MREG: variants seen among roughly 807,000 people sequenced by gnomAD.
The protein encoded by MREG is dilute suppressor protein homolog.
MREG carries 31 observed loss-of-function variants against 28.5 expected under a neutral mutation model. That is an observed-to-expected ratio of 1.09 (90% CI 0.82 to 1.47). The LOEUF is 1.47. MREG is among the 40% of genes most tolerant of loss of function. MREG has a pLI of 0.00. For synonymous variants in MREG, 106 were observed against 95.2 expected (o/e 1.11, Z -0.66); for missense variants, 256 against 257.4 (o/e 0.99, Z 0.04).
At position 215,997,196 on chromosome 2, in the gene MREG, T is replaced by C. The variant is rs186180296; in HGVS notation, c.96-731A>G. Among the ~76,000 whole-genome samples, 11 of 152,324 alleles carry C rather than the reference T, an allele frequency of 7.2e-5. No homozygotes were observed. In the East Asian group the frequency reaches 2.1e-3, roughly 29 times the overall value. ...AAACTTGGAGTACAATGATATATAA[T>C]AGCTATCAAATTCCTTATGCCAGGA... On this transcript the variant is annotated intron_variant, in intron 1 of 4. Coordinates refer to ENST00000263268, the MANE Select transcript of MREG (RefSeq NM_018000.3).
chr2:215,946,184 AAAAGTAT>A (rs747592831), intron 3 of MREG, among the ~76,000 whole-genome samples: 269 of 151,994 alleles, frequency 1.8e-3, no homozygotes, highest in Non-Finnish European at 3.1e-3. Context: ...TCACTCACCC[AAAAGTAT>A]AAAGGATTCA....
intron 2 of MREG, 101 bp from the exon 3 acceptor site, chr2:215,947,214 T>C (rs543959234): frequency 6.2e-5 from 43 of 694,924 alleles, no homozygotes; most frequent in South Asian, 1.4e-4. Flanking sequence ...TCTTCTCTTT[T>C]ATTAATCTTC....
intron 2 of MREG, among the ~76,000 whole-genome samples, chr2:215,989,978 T>C (rs1340522022): frequency 6.6e-6 from 1 of 152,178 alleles, no homozygotes; most frequent in Admixed American, 6.5e-5. Flanking sequence ...CTCTTCAGGA[T>C]ATTATCCACA....
chr2:215,969,521 C>T lies in MREG; in HGVS notation c.256-22408G>A, dbSNP rs77718409. 4.1e-4 allele frequency among the ~76,000 whole-genome samples: 62 copies of T among 152,216 alleles called. 1 individual carries two copies. In the East Asian group the frequency reaches 7.9e-3, roughly 19 times the overall value. On this transcript the variant is annotated intron_variant, in intron 2 of 4. Transcript: ENST00000263268. ...TTTTATGCCATTTCTCTTGAGTGCC[C>T]GTTTCCATATTGTAAGGCAGAGAAA...
intron 2 of MREG, among the ~76,000 whole-genome samples, chr2:215,983,674 G>A (rs1189605436): frequency 1.3e-5 from 2 of 152,096 alleles, no homozygotes; most frequent in Non-Finnish European, 2.9e-5. Context: ...ATGTATTTAT[G>A]AAGTATTGCC....
At chr2:216,026,698 A>G (rs768446951) in intron 1 of MREG, among the ~76,000 whole-genome samples, 5 of 152,000 alleles carry the variant, frequency 3.3e-5, no homozygotes, top group Non-Finnish European at 7.4e-5. Context: ...TTTCACCTCA[A>G]TTAAATAAAA....
chr2:215,944,231 G>C lies in MREG; in HGVS notation c.*632C>G, dbSNP rs1165399841. Reference sequence around the variant, plus strand: ...CTGACCTCATGATCCACCCACCTTGGCCTCCCAAAGTGCTGGGATTACAGG... The same window carrying C: ...CTGACCTCATGATCCACCCACCTTGCCCTCCCAAAGTGCTGGGATTACAGG... On this transcript the variant is annotated 3_prime_UTR_variant, in exon 5 of 5. Transcript: ENST00000263268. 6.6e-6 allele frequency: 1 copy of C among 151,962 alleles called. No individual in the cohort carries two copies. Among genetic ancestry groups the C allele is most frequent in the African/African-American group, 2.4e-5 (1 of 41,368 alleles). 9.4% of individuals were successfully genotyped at this position (151,962 alleles called of 1,614,324 possible).
intron 2 of MREG, among the ~76,000 whole-genome samples, chr2:215,952,287 G>T (rs1010283389): frequency 3.3e-5 from 5 of 152,064 alleles, no homozygotes; most frequent in Admixed American, 6.6e-5. Context: ...TAATAATACT[G>T]TATTGCTTAC....
chr2:216,018,426 A>C (rs1266985133), upstream of MREG, among the ~76,000 whole-genome samples: 1 of 152,246 alleles, frequency 6.6e-6, no homozygotes, highest in Non-Finnish European at 1.5e-5. Context: ...GCACGCACAT[A>C]GTGGGCACTT....
intron 2 of MREG, among the ~76,000 whole-genome samples, chr2:215,966,153 A>AG (rs1692932552): frequency 6.6e-6 from 1 of 151,618 alleles, no homozygotes; most frequent in Non-Finnish European, 1.5e-5. Flanking sequence ...AGGGAGGGAG[A>AG]GGGGGTCCCA....
At position 215,974,846 on chromosome 2, in the gene MREG, AC is replaced by A. The variant is rs1693202561; in HGVS notation, c.255+21459del. 5.2e-5 allele frequency among the ~76,000 whole-genome samples: 7 copies of A among 135,386 alleles called. No homozygotes were observed. In the Admixed American group the frequency reaches 5.3e-4, roughly 10 times the overall value. The allele number at this position is 135,386 out of a possible 152,430, so 88.8% of individuals were successfully genotyped here. ...CACAGACACACACACACACACACAC[AC>A]ACACACTCTCTCTCTCTCTCTCTCT... On this transcript the variant is annotated intron_variant, in intron 2 of 4. Coordinates refer to ENST00000263268, the MANE Select transcript of MREG (RefSeq NM_018000.3).
intron 2 of MREG, among the ~76,000 whole-genome samples, chr2:215,974,866 T>A (rs1332892570): frequency 6.7e-6 from 1 of 149,940 alleles, no homozygotes; most frequent in African/African-American, 2.5e-5. Flanking sequence ...TCTCTCTCTC[T>A]CTCTCTCTCC....
chr2:216,009,685 G>A (rs1001590614), intron 1 of MREG, among the ~76,000 whole-genome samples: 5 of 152,056 alleles, frequency 3.3e-5, no homozygotes, highest in South Asian at 2.1e-4. Flanking sequence ...ACAGGTGCCC[G>A]CCACCACACC....
At chr2:216,030,952 T>TCACACA (rs1219324655) in intron 1 of MREG, among the ~76,000 whole-genome samples, 40 of 107,020 alleles carry the variant, frequency 3.7e-4, no homozygotes, top group Non-Finnish European at 5.9e-4. Context: ...TCTCTCTCTC[T>TCACACA]CTCTCACACA....
intron 2 of MREG, among the ~76,000 whole-genome samples, chr2:215,975,931 CA>C (rs1383318173): frequency 6.6e-6 from 1 of 152,096 alleles, no homozygotes; most frequent in Non-Finnish European, 1.5e-5. Flanking sequence ...ACTAAAAATA[CA>C]AAAAGTAGCC....
chr2:215,946,464 A>T (rs112546294), intron 3 of MREG, among the ~76,000 whole-genome samples: 1 of 131,808 alleles, frequency 7.6e-6, no homozygotes. Flanking sequence ...AGGATTATAT[A>T]ATGTGGGGGC....
At chr2:216,014,648 C>CA (rs33939793), upstream of MREG, among the ~76,000 whole-genome samples, 41,435 of 135,266 alleles carry the variant, frequency 0.31, 5,971 homozygotes, top group East Asian at 0.42. Context: ...GACTCCGTCT[C>CA]AAAAAAAAAA....
In MREG at chr2:215,986,084, A is replaced by G. The variant is rs574306643; in HGVS notation, c.255+10222T>C. Among the ~76,000 whole-genome samples, 51 of 152,350 alleles carry G rather than the reference A, an allele frequency of 3.3e-4. 1 individual carries two copies. In the South Asian group the frequency reaches 0.01, roughly 30 times the overall value. The stretch of plus-strand genomic sequence containing the variant: ...ATTTTTCAATTATCTTGGACAAAAC[A>G]ACAATAATCATAACTAGTAGTAGTC... On this transcript the variant is annotated intron_variant, in intron 2 of 4. Coordinates refer to ENST00000263268, the MANE Select transcript of MREG (RefSeq NM_018000.3).
chr2:215,952,983 CT>C (rs1030542145), intron 2 of MREG, among the ~76,000 whole-genome samples: 1 of 152,068 alleles, frequency 6.6e-6, no homozygotes, highest in East Asian at 1.9e-4. Flanking sequence ...CTCTCTCCCC[CT>C]CTCTCTCTCC....
Sources: allele counts gnomAD v4.1 joint callset (sites outside exome capture counted in the v4.1 genomes callset), GRCh38; gene constraint gnomAD v4.1.1; transcripts MANE v1.5; gene names NCBI Gene and HGNC (gene_info 2026-07-23, HGNC 2026-07-21).